SIX2: variants seen among roughly 807,000 people sequenced by gnomAD.
SIX2 encodes homeobox protein SIX2.
A neutral mutation model predicts 22.8 loss-of-function variants in SIX2; 20 were observed. The observed-to-expected ratio is 0.88, with a 90% confidence interval of 0.62 to 1.28. The LOEUF is 1.28. SIX2 is among the 50% of genes most tolerant of loss of function. SIX2 has a pLI of 0.00. For synonymous variants in SIX2, 195 were observed against 186.4 expected, an observed-to-expected ratio of 1.05 and a Z score of -0.37; for missense variants, 360 against 400.0, an observed-to-expected ratio of 0.90 and a Z score of 0.85.
rs1443978582 is a variant in SIX2 at position 45,005,505 on chromosome 2, G to A, written c.*665C>T. On this transcript the variant is annotated 3_prime_UTR_variant, in exon 2 of 2. Transcript: ENST00000303077. ...AGCTCCCACTGACCCACATGGGCGA[G>A]GGAAAAGGCCTCAGGAGATGGCCTA... 6 of 154,382 alleles carry A rather than the reference G, an allele frequency of 3.9e-5. No homozygotes were observed. The highest frequency in any genetic ancestry group is 1.4e-4 in the African/African-American group (6 of 41,446). 9.6% of individuals were successfully genotyped at this position (154,382 alleles called of 1,614,324 possible).
At position 45,009,186 on chromosome 2, in the gene SIX2, G is replaced by C. The variant is rs1338311284; in HGVS notation, c.-76C>G. The C allele has an allele frequency of 2.6e-5, 32 of 1,237,622 alleles. No individual in the cohort carries two copies. The highest frequency in any genetic ancestry group is 1.6e-4 in the East Asian group (5 of 30,486). 76.7% of individuals were successfully genotyped at this position (1,237,622 alleles called of 1,614,324 possible). ...GGTCCCGCATGGGAGCTTCCTCGCC[G>C]GGCCGTCCGGGCCGAGACGCGGGCG... is the stretch of plus-strand genomic sequence containing the variant. On this transcript the variant is annotated 5_prime_UTR_variant, in exon 1 of 2. Transcript: ENST00000303077.
intron 1 of SIX2, among the ~76,000 whole-genome samples, 181 bp downstream of exon 1, chr2:45,008,370 G>A (rs777454969): frequency 6.6e-6 from 1 of 152,270 alleles, no homozygotes; most frequent in Non-Finnish European, 1.5e-5. Flanking sequence ...ACAAATCCCT[G>A]CTCGCCGGGT....
intron 1 of SIX2, among the ~76,000 whole-genome samples, chr2:45,007,177 C>T (rs922036698): frequency 7.2e-5 from 11 of 152,266 alleles, no homozygotes; most frequent in South Asian, 2.1e-4. Context: ...AGACCAGAAG[C>T]TTGGGGGATA....
Position 45,009,338 on chromosome 2 carries a change from G to T in SIX2, c.-228C>A. The T allele has an allele frequency of 4.9e-6, 1 of 205,110 alleles. No individual in the cohort carries two copies. Among genetic ancestry groups the T allele is most frequent in the Non-Finnish European group, 9.4e-6 (1 of 106,566 alleles). 12.7% of individuals were successfully genotyped at this position (205,110 alleles called of 1,614,324 possible). A position where few individuals can be genotyped will look rare whatever the true frequency, so the allele number is the denominator to read the frequency against. On this transcript the variant is annotated 5_prime_UTR_variant, in exon 1 of 2. Coordinates refer to ENST00000303077, the MANE Select transcript of SIX2 (RefSeq NM_016932.5). Reference sequence around the variant, plus strand: ...GCCCGCGCGCCTGGCCCAAGCCCTCGCCCAAGCCCGGGGGCCGCCCGGGGC... The same window carrying T: ...GCCCGCGCGCCTGGCCCAAGCCCTCTCCCAAGCCCGGGGGCCGCCCGGGGC...
chr2:45,009,114 G>A lies in SIX2; in HGVS notation c.-4C>T. 1 of 1,555,812 alleles carries A rather than the reference G, an allele frequency of 6.4e-7. No homozygotes were observed. The highest frequency in any genetic ancestry group is 2.4e-5 in the East Asian group (1 of 42,332). The stretch of plus-strand genomic sequence containing the variant: ...CGAAGGTGGGCAGCATGGACATGGT[G>A]CCGGCTGCGTCCCCGCCCGCCCGCG... On this transcript the variant is annotated 5_prime_UTR_variant, in exon 1 of 2. Transcript: ENST00000303077.
chr2:45,006,127 AGT>A lies in SIX2; in HGVS notation c.*41_*42del. On this transcript the variant is annotated 3_prime_UTR_variant, in exon 2 of 2. Transcript: ENST00000303077. This position sits in a 1 kb window ranked among gnomAD's most constrained non-coding sequence, Gnocchi z 4.2. ...CTGGACACCGCCACTCCACGTCCCC[AGT>A]GTCAAGTCACAAAAGGCAAGCTCAT... 1.2e-6 allele frequency: 2 copies of A among 1,603,380 alleles called. No individual in the cohort carries two copies. Among genetic ancestry groups the A allele is most frequent in the Non-Finnish European group, 1.7e-6 (2 of 1,170,062 alleles).
Position 45,005,500 on chromosome 2 carries a change from G to C in SIX2, c.*670C>G, listed in dbSNP as rs1225180677. The C allele has an allele frequency of 1.3e-5, 2 of 154,318 alleles. No individual in the cohort carries two copies. The highest frequency in any genetic ancestry group is 2.9e-5 in the Non-Finnish European group (2 of 69,376). 9.6% of individuals were successfully genotyped at this position (154,318 alleles called of 1,614,324 possible). The stretch of plus-strand genomic sequence containing the variant: ...CCTGCAGCTCCCACTGACCCACATG[G>C]GCGAGGGAAAAGGCCTCAGGAGATG... On this transcript the variant is annotated 3_prime_UTR_variant, in exon 2 of 2. Transcript: ENST00000303077.
rs1191384463 is a variant in SIX2 at position 45,008,570 on chromosome 2, C to G, written c.541G>C (p.Ala181Pro). The change falls in exon 1 of 2, where the codon GCG (alanine) becomes CCG (proline). Residue 181 changes from alanine to proline, a missense_variant. Coordinates refer to ENST00000303077, the MANE Select transcript of SIX2 (RefSeq NM_016932.5). The part of the protein sequence containing the change: ...WFKNRRQRDR[A>P]AEAKERENNE... ...TCGTACCTTTCCTTGGCCTCGGCCG[C>G]CCGGTCGCGCTGCCGCCGGTTCTTG... The G allele has an allele frequency of 6.2e-7, 1 of 1,613,874 alleles. No homozygotes were observed. The highest frequency in any genetic ancestry group is 8.5e-7 in the Non-Finnish European group (1 of 1,179,946).
At position 45,008,873 on chromosome 2, in the gene SIX2, G is replaced by A. The variant is rs1172750431; in HGVS notation, c.238C>T (p.His80Tyr). Residue 80 changes from histidine to tyrosine, a missense_variant, in exon 1 of 2, where the codon CAC (histidine) becomes TAC (tyrosine). Physicochemically the swap from His to Tyr is moderately conservative, Grantham distance 83. Coordinates refer to ENST00000303077, the MANE Select transcript of SIX2 (RefSeq NM_016932.5). ...AGCCACAGCTGCTGCAGCTTGGCGT[G>A]GTTGTGCGGCGAGAACTGGTGGCTC... ...LESHQFSPHN[H>Y]AKLQQLWLKA... The A allele has an allele frequency of 6.2e-7, 1 of 1,614,032 alleles. No homozygotes were observed. Among genetic ancestry groups the A allele is most frequent in the Admixed American group, 1.7e-5 (1 of 60,036 alleles).
At position 45,008,680 on chromosome 2, in the gene SIX2, G is replaced by T. The variant is rs774627372; in HGVS notation, c.431C>A (p.Ala144Glu). ...KSRSVLREWY[A>E]HNPYPSPREK... ...GCGGGGTGAAGGGTAGGGGTTGTGCGCGTACCACTCGCGCAGCACGCTGCG... is the reference window on the plus strand; with the variant it reads ...GCGGGGTGAAGGGTAGGGGTTGTGCTCGTACCACTCGCGCAGCACGCTGCG... Residue 144 changes from alanine (A) to glutamate (E), a missense_variant, in exon 1 of 2, where the codon GCG (alanine) becomes GAG (glutamate). Transcript: ENST00000303077. 1 of 1,613,980 alleles carries T rather than the reference G, an allele frequency of 6.2e-7. No homozygotes were observed. The highest frequency in any genetic ancestry group is 1.3e-5 in the African/African-American group (1 of 74,956).
Position 45,006,095 on chromosome 2 carries a change from G to A in SIX2, c.*75C>T. The A allele has an allele frequency of 6.6e-7, 1 of 1,509,290 alleles. No homozygotes were observed. The highest frequency in any genetic ancestry group is 9.2e-7 in the Non-Finnish European group (1 of 1,084,312). 93.5% of individuals were successfully genotyped at this position (1,509,290 alleles called of 1,614,324 possible). The stretch of plus-strand genomic sequence containing the variant: ...GTACCTGGTGGGGCCGCAGGGGCGG[G>A]GCGCCCCTGGACACCGCCACTCCAC... On this transcript the variant is annotated 3_prime_UTR_variant, in exon 2 of 2. Coordinates refer to ENST00000303077, the MANE Select transcript of SIX2 (RefSeq NM_016932.5). This position sits in a 1 kb window ranked among gnomAD's most constrained non-coding sequence, Gnocchi z 4.2.
In SIX2 at chr2:45,009,234, C is replaced by G. The variant is rs1667829465; in HGVS notation, c.-124G>C. ...GCGGGGCTGGCCCCCTGGCCCGGCA[C>G]TGGCCCCCGGTGAGCCCCGAGTCAC... On this transcript the variant is annotated 5_prime_UTR_variant, in exon 1 of 2. Coordinates refer to ENST00000303077, the MANE Select transcript of SIX2 (RefSeq NM_016932.5). 1.3e-6 allele frequency: 1 copy of G among 753,876 alleles called. No individual in the cohort carries two copies. The highest frequency in any genetic ancestry group is 1.8e-6 in the Non-Finnish European group (1 of 569,190). The allele number at this position is 753,876 out of a possible 1,614,324, so 46.7% of individuals were successfully genotyped here.
Position 45,008,728 on chromosome 2 carries a change from C to A in SIX2, c.383G>T (p.Ser128Ile), listed in dbSNP as rs769968755. Reference sequence around the variant, plus strand: ...GCGACTCTTTTCCTTGAAGCAGTAGCTGGTCTCCTCGCCGTCCCAGATGGA... The same window carrying A: ...GCGACTCTTTTCCTTGAAGCAGTAGATGGTCTCCTCGCCGTCCCAGATGGA... ...PRSIWDGEET[S>I]YCFKEKSRSV... Residue 128 changes from serine to isoleucine, a missense_variant, in exon 1 of 2, where the codon AGC (serine) becomes ATC (isoleucine). Coordinates refer to ENST00000303077, the MANE Select transcript of SIX2 (RefSeq NM_016932.5). 26 of 1,613,934 alleles carry A rather than the reference C, an allele frequency of 1.6e-5. No homozygotes were observed. Among genetic ancestry groups the A allele is most frequent in the African/African-American group, 2.7e-5 (2 of 74,954 alleles).
rs968660827 is a variant in SIX2, at chr2:45,009,202, G to C, written c.-92C>G. ...TTCCTCGCCGGGCCGTCCGGGCCGA[G>C]ACGCGGGCGGGGCTGGCCCCCTGGC... On this transcript the variant is annotated 5_prime_UTR_variant, in exon 1 of 2. Coordinates refer to ENST00000303077, the MANE Select transcript of SIX2 (RefSeq NM_016932.5). The C allele has an allele frequency of 1.1e-5, 12 of 1,129,384 alleles. No individual in the cohort carries two copies. The highest frequency in any genetic ancestry group is 1.4e-5 in the Non-Finnish European group (12 of 886,828). The allele number at this position is 1,129,384 out of a possible 1,614,324, so 70.0% of individuals were successfully genotyped here.
chr2:45,008,162 A>G (rs1667799640), intron 1 of SIX2, among the ~76,000 whole-genome samples: 3 of 152,236 alleles, frequency 2.0e-5, no homozygotes, highest in Non-Finnish European at 4.4e-5. Flanking sequence ...AAGCACCACC[A>G]GCAAGAAATC....
chr2:45,006,475 C>G lies in SIX2; in HGVS notation c.571G>C (p.Glu191Gln), dbSNP rs766837477. ...TTGTGGCTGTTAGAATTGGAGTTCT[C>G]GTTGTTCTCCCTGCAAGTGCGGGAG... Reference protein sequence around the residue: ...AAEAKERENNENSNSNSHNPL... With the variant: ...AAEAKERENNQNSNSNSHNPL... Residue 191 changes from glutamate to glutamine, a missense_variant, in exon 2 of 2, where the codon GAG becomes CAG. Physicochemically the swap from Glu to Gln is conservative, Grantham distance 29. Coordinates refer to ENST00000303077, the MANE Select transcript of SIX2 (RefSeq NM_016932.5). This position sits in a 1 kb window ranked among gnomAD's most constrained non-coding sequence, Gnocchi z 4.2. The G allele has an allele frequency of 1.2e-6, 2 of 1,613,432 alleles. No individual in the cohort carries two copies. Among genetic ancestry groups the G allele is most frequent in the Admixed American group, 1.7e-5 (1 of 60,034 alleles).
At chr2:45,007,100 C>T (rs1667780911) in intron 1 of SIX2, among the ~76,000 whole-genome samples, 1 of 152,214 alleles carries the variant, frequency 6.6e-6, no homozygotes, top group African/African-American at 2.4e-5. Flanking sequence ...CTTGCTGGGC[C>T]TAGAGACAAG....
chr2:45,008,327 T>G (rs570614768), intron 1 of SIX2, among the ~76,000 whole-genome samples: 49 of 152,374 alleles, frequency 3.2e-4, no homozygotes, highest in African/African-American at 1.2e-3. Flanking sequence ...AGTAGTTAGT[T>G]GACAACTTCC....
At position 45,009,120 on chromosome 2, in the gene SIX2, T is replaced by G. The variant is rs1394847488; in HGVS notation, c.-10A>C. ...TGGGCAGCATGGACATGGTGCCGGCTGCGTCCCCGCCCGCCCGCGCGCGCC... is the reference window on the plus strand; with the variant it reads ...TGGGCAGCATGGACATGGTGCCGGCGGCGTCCCCGCCCGCCCGCGCGCGCC... On this transcript the variant is annotated 5_prime_UTR_variant, in exon 1 of 2. Coordinates refer to ENST00000303077, the MANE Select transcript of SIX2 (RefSeq NM_016932.5). 6.5e-7 allele frequency: 1 copy of G among 1,545,792 alleles called. No homozygotes were observed. The highest frequency in any genetic ancestry group is 1.9e-5 in the Admixed American group (1 of 52,138).
Sources: gnomAD v4.1 joint callset for allele counts (sites outside exome capture counted in the v4.1 genomes callset) on GRCh38, gnomAD v4.1.1 for gene constraint, Gnocchi (gnomAD v3.1) non-coding constraint, MANE v1.5 for transcripts, NCBI Gene and HGNC (gene_info 2026-07-23, HGNC 2026-07-21) for gene names.